The following DVL1 variants were observed in gnomAD, a reference collection of about 807,000 sequenced individuals.
The protein encoded by DVL1 is segment polarity protein dishevelled homolog DVL-1.
DVL1 carries 49 observed loss-of-function variants against 65.0 expected under a neutral mutation model. That is an observed-to-expected ratio of 0.75 (90% confidence interval 0.60 to 0.96). The LOEUF (loss-of-function observed/expected upper bound fraction) is 0.96, where lower values mean the gene tolerates loss of function less well. Ranked by LOEUF, DVL1 falls within the 40% of genes least tolerant of loss-of-function variation. The pLI, the probability that DVL1 is intolerant of heterozygous loss-of-function variation, is 0.00. For missense variants in DVL1, 1,197 were observed against 1,045.4 expected (o/e 1.15, Z -2.00); for synonymous variants, 608 against 433.9 (o/e 1.40, Z -4.99).
intron 5 of DVL1, 102 bp downstream of exon 5, chr1:1,341,565 C>T: frequency 7.1e-7 from 1 of 1,410,000 alleles, no homozygotes; most frequent in Non-Finnish European, 9.6e-7. Context: ...CACACGCACA[C>T]ACGTGCAATG....
rs1244789938 is a variant in DVL1, at chr1:1,338,556, C to T, written c.1305G>A (p.Met435Ile). Reference protein sequence around the residue: ...PDSGLEIRDRMWLKITIANAV... With the variant: ...PDSGLEIRDRIWLKITIANAV... ...CATTGGCGATGGTGATCTTGAGCCA[C>T]ATGCGGTCGCGGATCTCCAGTCCCG... is the stretch of plus-strand genomic sequence containing the variant. The change falls in exon 12 of 15, where the codon ATG becomes ATA. Residue 435 changes from methionine to isoleucine, a missense_variant. Coordinates refer to ENST00000378888, the MANE Select transcript of DVL1 (RefSeq NM_001330311.2). 1 of 1,612,602 alleles carries T rather than the reference C, an allele frequency of 6.2e-7. No homozygotes were observed. The highest frequency in any genetic ancestry group is 1.1e-5 in the South Asian group (1 of 91,082).
chr1:1,347,902 G>A (rs376770431), intron 1 of DVL1, among the ~76,000 whole-genome samples: 2 of 152,316 alleles, frequency 1.3e-5, no homozygotes, highest in South Asian at 4.1e-4. Flanking sequence ...GATGTCCCTT[G>A]GGCCCCCCTG....
intron 1 of DVL1, among the ~76,000 whole-genome samples, chr1:1,345,359 G>A (rs1426865802): frequency 6.6e-6 from 1 of 152,196 alleles, no homozygotes; most frequent in Admixed American, 6.5e-5. Context: ...CAGCACAGAG[G>A]GAAGGGTGGG....
chr1:1,348,036 T>G (rs1362658342), intron 1 of DVL1, among the ~76,000 whole-genome samples: 1 of 152,154 alleles, frequency 6.6e-6, no homozygotes, highest in Non-Finnish European at 1.5e-5. Context: ...AGGACACCGC[T>G]TGCCGGAGGC....
chr1:1,348,922 G>A lies in DVL1; in HGVS notation c.144C>T (p.Phe48=), dbSNP rs746519361. The A allele has an allele frequency of 6.4e-6, 10 of 1,571,072 alleles. 1 individual carries two copies. The highest frequency in any genetic ancestry group is 5.6e-5 in the African/African-American group (4 of 71,820). ...CGAAGTCCTGGTCCATGGACTTAAA[G>A]AAGAATTTGTAGGCGTGCACGGGCC... The part of the protein sequence containing the change: ...SNRPVHAYKF[F]FKSMDQDFGV... Residue 48 remains phenylalanine (F), a synonymous_variant, in exon 1 of 15, where the codon TTC becomes TTT. Transcript: ENST00000378888.
In DVL1 at chr1:1,340,067, G is replaced by A. The variant is rs751036714; in HGVS notation, c.880C>T (p.Arg294Cys). ...MKGGAVAADG[R>C]IEPGDMLLQV... Reference sequence around the variant, plus strand: ...AGCAACATGTCGCCGGGCTCGATGCGGCCGTCAGCGGCCACAGCCCCGCCC... The same window carrying A: ...AGCAACATGTCGCCGGGCTCGATGCAGCCGTCAGCGGCCACAGCCCCGCCC... Residue 294 changes from arginine (R) to cysteine (C), a missense_variant, in exon 8 of 15, where the codon CGC becomes TGC. Physicochemically the swap from Arg to Cys is radical, Grantham distance 180 (BLOSUM62 -3). Coordinates refer to ENST00000378888, the MANE Select transcript of DVL1 (RefSeq NM_001330311.2). The A allele has an allele frequency of 3.7e-6, 6 of 1,612,674 alleles. No homozygotes were observed. The highest frequency in any genetic ancestry group is 2.2e-5 in the South Asian group (2 of 91,082).
chr1:1,338,229 T>TTGCCCCCCCCCCCCCCCCCCGCC, intron 13 of DVL1, 40 bp downstream of exon 13: 1 of 1,522,372 alleles, frequency 6.6e-7, no homozygotes, highest in Non-Finnish European at 9.0e-7. Context: ...CCTCCGGCGT[T>TTGCCCCCCCCCCCCCCCCCCGCC]CCCCTCCCCC....
chr1:1,337,802 A>G (rs1037135220), intron 14 of DVL1, 175 bp downstream of exon 14: 15 of 717,646 alleles, frequency 2.1e-5, no homozygotes, highest in East Asian at 1.1e-4. Context: ...CCAAGTACAC[A>G]GCAGGAGCAT....
intron 14 of DVL1, 135 bp downstream of exon 14, chr1:1,337,842 G>A: frequency 1.3e-6 from 1 of 766,338 alleles, no homozygotes; most frequent in Non-Finnish European, 2.2e-6. Flanking sequence ...AAGCAGGGCG[G>A]AGCAGCAGCG....
chr1:1,336,069 G>C lies in DVL1; in HGVS notation c.*73C>G. ...CCCGTCCTGGCCCCCACGAAGGCAA[G>C]CCCACGCGAGCTCTGCATGCGGCAG... On this transcript the variant is annotated 3_prime_UTR_variant, in exon 15 of 15. Coordinates refer to ENST00000378888, the MANE Select transcript of DVL1 (RefSeq NM_001330311.2). 1 of 1,521,886 alleles carries C rather than the reference G, an allele frequency of 6.6e-7. No homozygotes were observed. Among genetic ancestry groups the C allele is most frequent in the Non-Finnish European group, 8.8e-7 (1 of 1,137,706 alleles). The allele number at this position is 1,521,886 out of a possible 1,614,324, so 94.3% of individuals were successfully genotyped here.
rs532296244 is a variant in DVL1, at chr1:1,342,633, C to T, written c.240+56G>A. 326 of 1,601,232 alleles carry T rather than the reference C, an allele frequency of 2.0e-4. 3 individuals carry two copies. The African/African-American group carries it at 3.9e-3, about 19-fold the overall frequency. On this transcript the variant is annotated intron_variant, in intron 2 of 14. Transcript: ENST00000378888. ...CACCCACCGCCTCCCCCAGGAAGAG[C>T]CCCACCCTGGAATGCTCCCCAGGCG...
At chr1:1,339,224 G>A in intron 11 of DVL1, 63 bp downstream of exon 11, 5 of 1,542,512 alleles carry the variant, frequency 3.2e-6, no homozygotes, top group East Asian at 2.4e-5. Context: ...CATGCTGGAG[G>A]CTGGCAGAGA....
At position 1,338,383 on chromosome 1, in the gene DVL1, G is replaced by A. The variant is rs778929271; in HGVS notation, c.1393C>T (p.Arg465Trp). Reference protein sequence around the residue: ...YTHVEGFKERREARKYASSLL... With the variant: ...YTHVEGFKERWEARKYASSLL... ...CTGCTGGCGTACTTCCGGGCCTCCC[G>A]CCGCTCCTTGAAGCCCTCCACGTGT... Residue 465 changes from arginine to tryptophan, a missense_variant, in exon 13 of 15, where the codon CGG becomes TGG. Arg to Trp is a moderately radical substitution (Grantham distance 101). Transcript: ENST00000378888. 8.1e-6 allele frequency: 13 copies of A among 1,612,526 alleles called. No homozygotes were observed. The highest frequency in any genetic ancestry group is 2.2e-5 in the South Asian group (2 of 91,088).
chr1:1,341,895 T>C, intron 4 of DVL1, 90 bp from the exon 5 acceptor site: 1 of 1,480,306 alleles, frequency 6.8e-7, no homozygotes, highest in Non-Finnish European at 9.0e-7. Flanking sequence ...TGCCTGTGGG[T>C]CTGGGAGCTG....
intron 1 of DVL1, among the ~76,000 whole-genome samples, chr1:1,348,524 G>A (rs1181147791): frequency 1.3e-5 from 2 of 152,152 alleles, no homozygotes; most frequent in Non-Finnish European, 1.5e-5. Context: ...CCCAGCTAGG[G>A]AACCCCACCC....
Position 1,335,944 on chromosome 1 carries a change from G to GC in DVL1, c.*197dup, listed in dbSNP as rs1643555641. The GC allele has an allele frequency of 4.5e-6, 3 of 673,156 alleles. No individual in the cohort carries two copies. The highest frequency in any genetic ancestry group is 7.4e-6 in the Non-Finnish European group (3 of 405,708). 41.7% of individuals were successfully genotyped at this position (673,156 alleles called of 1,614,324 possible). A position where few individuals can be genotyped will look rare whatever the true frequency, so the allele number is the denominator to read the frequency against. On this transcript the variant is annotated 3_prime_UTR_variant, in exon 15 of 15. Transcript: ENST00000378888. ...TCTCGCTGAGGGGCAGAGAGGGAGC[G>GC]CCCCCAACACGGCTGCTCAGACACA...
At chr1:1,339,162 T>G in intron 11 of DVL1, 125 bp downstream of exon 11, 1 of 1,307,016 alleles carries the variant, frequency 7.7e-7, no homozygotes, top group Non-Finnish European at 1.1e-6. Context: ...GTGCAGGGAG[T>G]TGGGGACAGG....
At chr1:1,338,229 T>TTGGGG in intron 13 of DVL1, 40 bp downstream of exon 13, 6 of 1,522,342 alleles carry the variant, frequency 3.9e-6, no homozygotes, top group Non-Finnish European at 4.5e-6. Context: ...CCTCCGGCGT[T>TTGGGG]CCCCTCCCCC....
intron 5 of DVL1, 114 bp downstream of exon 5, chr1:1,341,549 TGCAC>T (rs1328442032): frequency 7.3e-5 from 94 of 1,293,548 alleles, no homozygotes; most frequent in Non-Finnish European, 9.3e-5. Flanking sequence ...GGCACACACA[TGCAC>T]ACACACGCAC....
Sources: gnomAD v4.1 joint callset for allele counts (sites outside exome capture counted in the v4.1 genomes callset) on GRCh38, gnomAD v4.1.1 for gene constraint, MANE v1.5 for transcripts, NCBI Gene and HGNC (gene_info 2026-07-23, HGNC 2026-07-21) for gene names.